Variants in LINS1 observed in about 807,000 individuals in gnomAD.
LINS1 encodes the protein protein Lines homolog 1.
A neutral mutation model predicts 41.6 loss-of-function variants in LINS1; 27 were observed. The observed-to-expected ratio is 0.65, with a 90% CI of 0.48 to 0.89. The LOEUF (loss-of-function observed/expected upper bound fraction) is 0.89. Among genes scored for constraint, LINS1 ranks in the 40% least tolerant of loss-of-function variants. The pLI, the probability that LINS1 is intolerant of heterozygous loss-of-function variation, is 0.00. For missense variants in LINS1, 955 were observed against 884.1 expected (o/e 1.08, Z -1.02); for synonymous variants, 336 against 312.9 (o/e 1.07, Z -0.78).
Position 100,568,541 on chromosome 15 carries a change from G to C in LINS1, c.*697C>G, listed in dbSNP as rs2037636003. 6.6e-6 allele frequency: 1 copy of C among 152,376 alleles called. No homozygotes were observed. Among genetic ancestry groups the C allele is most frequent in the Non-Finnish European group, 1.5e-5 (1 of 68,186 alleles). The allele number at this position is 152,376 out of a possible 1,614,324, so 9.4% of individuals were successfully genotyped here. On this transcript the variant is annotated 3_prime_UTR_variant, in exon 7 of 7. Transcript: ENST00000314742. Reference sequence around the variant, plus strand: ...TGGCTGCCACCAGAAGCCAGAAAGGGGCAGGGTGGGATTCTTCTCCAGACC... The same window carrying C: ...TGGCTGCCACCAGAAGCCAGAAAGGCGCAGGGTGGGATTCTTCTCCAGACC...
At position 100,583,079 on chromosome 15, in the gene LINS1, C is replaced by CA. The variant is rs372082858; in HGVS notation, c.-103-2135dup. Reference sequence around the variant, plus strand: ...GGTCTTACACTGGGTCTTCCGTCTACACTATGGCCTACTAGCCTAGTCTTG... The same window carrying CA: ...GGTCTTACACTGGGTCTTCCGTCTACAACTATGGCCTACTAGCCTAGTCTTG... On this transcript the variant is annotated intron_variant, in intron 1 of 6. Coordinates refer to ENST00000314742, the MANE Select transcript of LINS1 (RefSeq NM_001040616.3). 7.4e-4 allele frequency among the ~76,000 whole-genome samples: 113 copies of CA among 152,064 alleles called. 1 individual carries two copies. Among genetic ancestry groups the CA allele is most frequent in the Middle Eastern group, 3.4e-3 (1 of 290 alleles).
At chr15:100,585,187 C>T (rs1205535794) in intron 1 of LINS1, among the ~76,000 whole-genome samples, 3 of 152,202 alleles carry the variant, frequency 2.0e-5, no homozygotes, top group Admixed American at 6.5e-5. Context: ...AGGTCAGAGA[C>T]GTCTGACACT....
chr15:100,572,417 G>C, intron 5 of LINS1: 3 of 1,107,952 alleles, frequency 2.7e-6, no homozygotes, highest in Non-Finnish European at 3.3e-6. Flanking sequence ...TCGGATGCCA[G>C]AGCTGTCTGT....
At chr15:100,599,882 G>A (rs373843605) in intron 1 of LINS1, among the ~76,000 whole-genome samples, 3 of 152,054 alleles carry the variant, frequency 2.0e-5, no homozygotes, top group African/African-American at 7.2e-5. Flanking sequence ...CCTGGCCAAC[G>A]TGGTAAAACC....
intron 1 of LINS1, among the ~76,000 whole-genome samples, chr15:100,585,666 A>G (rs1321233374): frequency 6.6e-6 from 1 of 152,202 alleles, no homozygotes; most frequent in Non-Finnish European, 1.5e-5. Context: ...TCGTTCGTGT[A>G]TGTGTACATG....
chr15:100,589,005 A>G (rs2038924867), intron 1 of LINS1, among the ~76,000 whole-genome samples: 1 of 152,242 alleles, frequency 6.6e-6, no homozygotes, highest in Non-Finnish European at 1.5e-5. Context: ...ACATGGAGTT[A>G]GATGCTAGAA....
At chr15:100,601,592 C>A (rs912224994) in intron 1 of LINS1, among the ~76,000 whole-genome samples, 1 of 151,956 alleles carries the variant, frequency 6.6e-6, no homozygotes, top group Non-Finnish European at 1.5e-5. Flanking sequence ...TGGTCAAAAT[C>A]GATTCCACCA....
intron 4 of LINS1, among the ~76,000 whole-genome samples, chr15:100,574,601 G>T (rs111976927): frequency 6.6e-6 from 1 of 151,990 alleles, no homozygotes; most frequent in Non-Finnish European, 1.5e-5. Flanking sequence ...CCAGCTACTC[G>T]GGAGGCTGAG....
chr15:100,587,432 G>GT (rs1035659156), intron 1 of LINS1, among the ~76,000 whole-genome samples: 7 of 152,052 alleles, frequency 4.6e-5, no homozygotes, highest in African/African-American at 1.7e-4. Context: ...CATTATGTGG[G>GT]TTTTTTGGGG....
At chr15:100,584,060 A>G (rs2038688666) in intron 1 of LINS1, among the ~76,000 whole-genome samples, 1 of 151,946 alleles carries the variant, frequency 6.6e-6, no homozygotes, top group Non-Finnish European at 1.5e-5. Context: ...ATTGCCTGAT[A>G]TATTGTCTGT....
intron 5 of LINS1, 134 bp from the exon 6 acceptor site, chr15:100,572,199 G>C: frequency 2.0e-6 from 3 of 1,504,180 alleles, no homozygotes; most frequent in East Asian, 2.5e-5. Flanking sequence ...AAGTCATCAG[G>C]AATCAGTTAG....
rs559128951 is a variant in LINS1 at position 100,582,537 on chromosome 15, G to T, written c.-103-1592C>A. On this transcript the variant is annotated intron_variant, in intron 1 of 6. Transcript: ENST00000314742. Reference sequence around the variant, plus strand: ...CAGCCTAGTCTTGGTCTTACACTGGGTCTTCCGTCTACACTATGGCCCACT... The same window carrying T: ...CAGCCTAGTCTTGGTCTTACACTGGTTCTTCCGTCTACACTATGGCCCACT... Among the ~76,000 whole-genome samples, 70 of 141,520 alleles carry T rather than the reference G, an allele frequency of 4.9e-4. 4 individuals are homozygous for T. Among genetic ancestry groups the T allele is most frequent in the Non-Finnish European group, 8.8e-4 (58 of 65,724 alleles). The allele number at this position is 141,520 out of a possible 152,430, so 92.8% of individuals were successfully genotyped here. A position where few individuals can be genotyped will look rare whatever the true frequency, so the allele number is the denominator to read the frequency against.
At chr15:100,580,181 G>A in intron 3 of LINS1, 82 bp downstream of exon 3, 2 of 1,072,390 alleles carry the variant, frequency 1.9e-6, no homozygotes, top group South Asian at 2.8e-5. Context: ...GCAACACAGT[G>A]AGACCTTGTC....
chr15:100,578,161 A>T (rs1425073903), intron 3 of LINS1, among the ~76,000 whole-genome samples: 1 of 152,210 alleles, frequency 6.6e-6, no homozygotes, highest in Non-Finnish European at 1.5e-5. Flanking sequence ...AACAAAAGCC[A>T]AAATAGAGAA....
chr15:100,576,941 T>C lies in LINS1; in HGVS notation c.490-1813A>G, dbSNP rs1000350712. Among the ~76,000 whole-genome samples, 12 of 152,304 alleles carry C rather than the reference T, an allele frequency of 7.9e-5. No homozygotes were observed. The South Asian group carries it at 1.5e-3, about 18-fold the overall frequency. Reference sequence around the variant, plus strand: ...GACAAAAACCACATGATTATCTCAATAGATGCAGAAAAGGCCTTTGACAAA... The same window carrying C: ...GACAAAAACCACATGATTATCTCAACAGATGCAGAAAAGGCCTTTGACAAA... On this transcript the variant is annotated intron_variant, in intron 3 of 6. Transcript: ENST00000314742.
intron 1 of LINS1, among the ~76,000 whole-genome samples, chr15:100,598,069 A>T (rs1469562299): frequency 2.6e-5 from 4 of 152,198 alleles, no homozygotes; most frequent in African/African-American, 9.6e-5. Flanking sequence ...TTTAGGCTTA[A>T]ATATGACTTT....
At chr15:100,594,909 C>G (rs1030513974) in intron 1 of LINS1, among the ~76,000 whole-genome samples, 1 of 152,052 alleles carries the variant, frequency 6.6e-6, no homozygotes, top group South Asian at 2.1e-4. Context: ...GTGGCTATAC[C>G]AAACCCGGCA....
chr15:100,577,757 T>C (rs1168876006), intron 3 of LINS1, among the ~76,000 whole-genome samples: 3 of 152,124 alleles, frequency 2.0e-5, no homozygotes, highest in African/African-American at 7.2e-5. Context: ...GGCATCACGC[T>C]ACCTGACTTC....
At chr15:100,570,787 T>G (rs1412898011) in intron 6 of LINS1, among the ~76,000 whole-genome samples, 2 of 152,216 alleles carry the variant, frequency 1.3e-5, no homozygotes, top group East Asian at 3.8e-4. Context: ...AAATGCTGGC[T>G]TTTGCTCAAA....
Sources: gnomAD v4.1 joint callset for allele counts (sites outside exome capture counted in the v4.1 genomes callset) on GRCh38, gnomAD v4.1.1 for gene constraint, MANE v1.5 for transcripts, NCBI Gene and HGNC (gene_info 2026-07-23, HGNC 2026-07-21) for gene names.